The following MECOM variants were observed in gnomAD, a reference collection of about 807,000 sequenced individuals.
MECOM encodes histone-lysine N-methyltransferase MECOM.
A neutral mutation model predicts 116.3 loss-of-function variants in MECOM; 13 were observed. That is an observed-to-expected ratio of 0.11 (90% CI 0.07 to 0.18). The LOEUF (loss-of-function observed/expected upper bound fraction) is 0.18. MECOM is among the 10% of genes least tolerant of loss of function. MECOM has a pLI of 1.00. For synonymous variants in MECOM, 528 were observed against 535.2 expected, an observed-to-expected ratio of 0.99 and a Z score of 0.19; for missense variants, 1,299 against 1,509.0, an observed-to-expected ratio of 0.86 and a Z score of 2.31.
intron 1 of MECOM, among the ~76,000 whole-genome samples, chr3:169,399,131 G>A (rs961804920): frequency 2.6e-5 from 4 of 152,118 alleles, no homozygotes; most frequent in African/African-American, 9.7e-5. Context: ...GATTTCCAGT[G>A]ACTTTAGGGC....
Position 169,305,987 on chromosome 3 carries a change from T to G in MECOM, c.375+75200A>C, listed in dbSNP as rs574647437. Among the ~76,000 whole-genome samples the G allele has an allele frequency of 1.2e-3, 182 of 152,318 alleles. 1 individual carries two copies. The highest frequency in any genetic ancestry group is 4.2e-3 in the African/African-American group (173 of 41,578). On this transcript the variant is annotated intron_variant, in intron 2 of 16. Coordinates refer to ENST00000651503, the MANE Select transcript of MECOM (RefSeq NM_004991.4). ...GAAAAACATATTTTGATTTCAATATTCTCTAGTTTGGTTAAAGATTTTCCT... is the reference window on the plus strand; with the variant it reads ...GAAAAACATATTTTGATTTCAATATGCTCTAGTTTGGTTAAAGATTTTCCT...
chr3:169,474,280 C>T (rs186847806), intron 1 of MECOM, among the ~76,000 whole-genome samples: 7 of 152,280 alleles, frequency 4.6e-5, no homozygotes, highest in Middle Eastern at 3.4e-3. Flanking sequence ...ATTTTGTAAA[C>T]GTCAGTTCCT....
At chr3:169,307,881 T>C (rs1718011310) in intron 2 of MECOM, among the ~76,000 whole-genome samples, 1 of 152,218 alleles carries the variant, frequency 6.6e-6, no homozygotes, top group African/African-American at 2.4e-5. Flanking sequence ...GGCCAGATCC[T>C]GCTACTTCTC....
At chr3:169,523,876 C>T (rs976652104) in intron 1 of MECOM, among the ~76,000 whole-genome samples, 4 of 120,482 alleles carry the variant, frequency 3.3e-5, no homozygotes, top group African/African-American at 1.5e-4. Context: ...TGTGTATATA[C>T]ACACATATAT....
At chr3:169,644,786 A>T (rs1052679586) in intron 1 of MECOM, among the ~76,000 whole-genome samples, 1 of 152,214 alleles carries the variant, frequency 6.6e-6, no homozygotes, top group East Asian at 1.9e-4. Context: ...TGCAAAATCC[A>T]AATGAAATCT....
rs181701652 is a variant in MECOM, at chr3:169,096,431, C to T, written c.2850-1186G>A. ...GGTTACAGGCACGTGTCACCATGCT[C>T]GGCTAATTTTTGTATTTTTGTAGAG... On this transcript the variant is annotated intron_variant, in intron 12 of 16. Coordinates refer to ENST00000651503, the MANE Select transcript of MECOM (RefSeq NM_004991.4). Among the ~76,000 whole-genome samples, 6 of 152,010 alleles carry T rather than the reference C, an allele frequency of 3.9e-5. No homozygotes were observed. The East Asian group carries it at 5.8e-4, about 15-fold the overall frequency.
chr3:169,135,994 C>T (rs1577109455), intron 3 of MECOM, among the ~76,000 whole-genome samples: 1 of 151,696 alleles, frequency 6.6e-6, no homozygotes, highest in East Asian at 1.9e-4. Flanking sequence ...GTAAAACCCA[C>T]AGCTTAAGGC....
Position 169,116,450 on chromosome 3 carries a change from C to T in MECOM, c.1422G>A (p.Arg474=), listed in dbSNP as rs1241997736. ...TTGGAAAGGTAAGACCAGCAGGATG[C>T]CTATTGGCGCCAAAATAGTCAGCAA... ...PGLADYFGAN[R]HPAGLTFPTA... Residue 474 remains arginine, a synonymous_variant, in exon 8 of 17, where the codon AGG becomes AGA. Coordinates refer to ENST00000651503, the MANE Select transcript of MECOM (RefSeq NM_004991.4). The T allele has an allele frequency of 6.2e-7, 1 of 1,614,122 alleles. No individual in the cohort carries two copies. Among genetic ancestry groups the T allele is most frequent in the Admixed American group, 1.7e-5 (1 of 60,008 alleles).
At chr3:169,274,426 G>T in intron 2 of MECOM, among the ~76,000 whole-genome samples, 1 of 152,062 alleles carries the variant, frequency 6.6e-6, no homozygotes, top group East Asian at 1.9e-4. Context: ...CTGTTTTCTG[G>T]ATCTAAGTTG....
At chr3:169,512,967 A>G (rs1429220307) in intron 1 of MECOM, among the ~76,000 whole-genome samples, 2 of 152,270 alleles carry the variant, frequency 1.3e-5, no homozygotes, top group Non-Finnish European at 2.9e-5. Context: ...TTAGTGCTTC[A>G]ATCTTACCTT....
At chr3:169,583,775 T>TC (rs930487162) in intron 1 of MECOM, among the ~76,000 whole-genome samples, 6 of 151,832 alleles carry the variant, frequency 4.0e-5, no homozygotes, top group African/African-American at 1.5e-4. Context: ...TAATTTTTTT[T>TC]TTTTTTTTTT....
chr3:169,602,275 C>T (rs1013536761), intron 1 of MECOM, among the ~76,000 whole-genome samples: 2 of 152,208 alleles, frequency 1.3e-5, no homozygotes, highest in South Asian at 2.1e-4. Context: ...GTTCTCTATT[C>T]GTCAGCTAGC....
At chr3:169,236,698 A>G (rs987159517) in intron 2 of MECOM, among the ~76,000 whole-genome samples, 23 of 152,038 alleles carry the variant, frequency 1.5e-4, no homozygotes, top group African/African-American at 5.3e-4. Context: ...GAATGAAAAG[A>G]CTCTTTGACT....
intron 1 of MECOM, among the ~76,000 whole-genome samples, chr3:169,508,510 A>G (rs1438190823): frequency 6.8e-6 from 1 of 146,268 alleles, no homozygotes; most frequent in Non-Finnish European, 1.5e-5. Context: ...AAACACACAT[A>G]CACACTCACA....
chr3:169,133,884 A>G, intron 3 of MECOM: 2 of 1,275,720 alleles, frequency 1.6e-6, no homozygotes, highest in Non-Finnish European at 2.0e-6. Flanking sequence ...TTAGAAAACA[A>G]TGGACTTCTC....
intron 2 of MECOM, among the ~76,000 whole-genome samples, chr3:169,232,354 G>C (rs1753502277): frequency 6.6e-6 from 1 of 151,776 alleles, no homozygotes; most frequent in Admixed American, 6.6e-5. Flanking sequence ...ATTATTTGCT[G>C]TTCTTCCAAG....
At chr3:169,365,792 T>C (rs1162349334) in intron 2 of MECOM, among the ~76,000 whole-genome samples, 2 of 151,954 alleles carry the variant, frequency 1.3e-5, no homozygotes, top group Non-Finnish European at 2.9e-5. Flanking sequence ...CAAGTAAATG[T>C]GTATGCAAGT....
intron 1 of MECOM, among the ~76,000 whole-genome samples, chr3:169,394,996 G>A (rs1206933354): frequency 1.3e-5 from 2 of 152,142 alleles, no homozygotes; most frequent in Non-Finnish European, 1.5e-5. Flanking sequence ...GAAAAGAAGT[G>A]TATTATAAAT....
intron 9 of MECOM, among the ~76,000 whole-genome samples, chr3:169,111,239 C>A (rs1727280431): frequency 6.6e-6 from 1 of 152,036 alleles, no homozygotes; most frequent in Admixed American, 6.6e-5. Flanking sequence ...CTCCATTCTA[C>A]CGTGAACCCA....
Sources: gnomAD v4.1 joint callset for allele counts (sites outside exome capture counted in the v4.1 genomes callset) on GRCh38, gnomAD v4.1.1 for gene constraint, MANE v1.5 for transcripts, NCBI Gene and HGNC (gene_info 2026-07-23, HGNC 2026-07-21) for gene names.